AUTS2: variants seen among roughly 807,000 people sequenced by gnomAD.
AUTS2 encodes autism susceptibility gene 2 protein.
In AUTS2, 17 loss-of-function variants were observed where a neutral mutation model predicts 112.4. The observed-to-expected ratio is 0.15, with a 90% CI of 0.10 to 0.23. AUTS2 has a LOEUF of 0.23. Ranked by LOEUF, AUTS2 falls within the 10% of genes least tolerant of loss-of-function variation. The pLI is 1.00. For missense variants in AUTS2, 1,510 were observed against 1,701.6 expected (o/e 0.89, Z 1.98); for synonymous variants, 751 against 702.7 (o/e 1.07, Z -1.09).
In AUTS2 at chr7:70,791,381, A is replaced by ATAGT. The variant is rs1298833843; in HGVS notation, c.*388_*391dup. 6 of 177,546 alleles carry ATAGT rather than the reference A, an allele frequency of 3.4e-5. No homozygotes were observed. The highest frequency in any genetic ancestry group is 2.0e-4 in the South Asian group (1 of 5,050). The allele number at this position is 177,546 out of a possible 1,614,324, so 11.0% of individuals were successfully genotyped here. ...CAGATGAGGTGGGAAGGCCGTGTAC[A>ATAGT]TAGTTATGTAAAAAGAGATTGCTTC... On this transcript the variant is annotated 3_prime_UTR_variant, in exon 19 of 19. Transcript: ENST00000342771.
At chr7:70,497,156 TCA>T (rs1163023791) in intron 5 of AUTS2, among the ~76,000 whole-genome samples, 1 of 109,600 alleles carries the variant, frequency 9.1e-6, no homozygotes, top group Non-Finnish European at 1.9e-5. Context: ...CACACCCCAC[TCA>T]CACACACCAC....
At chr7:69,631,344 G>A (rs76128394) in intron 1 of AUTS2, among the ~76,000 whole-genome samples, 2,943 of 152,250 alleles carry the variant, frequency 0.019, 94 homozygotes, top group African/African-American at 0.064. Flanking sequence ...GGCAACAGCG[G>A]TTTGAGGACT....
chr7:69,851,539 T>C (rs1792484353), intron 1 of AUTS2, among the ~76,000 whole-genome samples: 1 of 152,238 alleles, frequency 6.6e-6, no homozygotes, highest in Non-Finnish European at 1.5e-5. Context: ...CGTAAGCCAC[T>C]GCGCCTGGCC....
chr7:70,449,197 A>T (rs1202708836), intron 5 of AUTS2, among the ~76,000 whole-genome samples: 1 of 152,166 alleles, frequency 6.6e-6, no homozygotes, highest in Admixed American at 6.5e-5. Context: ...GTCTCTACTT[A>T]TTTTTGCCCG....
intron 6 of AUTS2, among the ~76,000 whole-genome samples, chr7:70,749,154 T>TC (rs1025014197): frequency 4.5e-4 from 68 of 152,142 alleles, no homozygotes; most frequent in African/African-American, 1.6e-3. Flanking sequence ...AACCTACATG[T>TC]CGGTAGAGGA....
At chr7:70,129,644 A>G (rs1806165826) in intron 3 of AUTS2, among the ~76,000 whole-genome samples, 1 of 152,170 alleles carries the variant, frequency 6.6e-6, no homozygotes. Context: ...TCTTACTTTA[A>G]AATGTTTATT....
intron 5 of AUTS2, among the ~76,000 whole-genome samples, chr7:70,546,765 C>T (rs1425099581): frequency 3.4e-5 from 5 of 148,472 alleles, no homozygotes; most frequent in African/African-American, 1.0e-4. Context: ...GGCGACAGAG[C>T]GAGACTCTGT....
chr7:69,659,080 T>A (rs888654962), intron 1 of AUTS2, among the ~76,000 whole-genome samples: 4 of 152,212 alleles, frequency 2.6e-5, no homozygotes, highest in Non-Finnish European at 5.9e-5. Flanking sequence ...AATCTGGCTT[T>A]TGTTTTGAGA....
At chr7:70,163,931 C>A (rs553920915) in intron 4 of AUTS2, among the ~76,000 whole-genome samples, 1 of 152,200 alleles carries the variant, frequency 6.6e-6, no homozygotes, top group East Asian at 1.9e-4. Context: ...CTCCTTCCCC[C>A]CTCCAAGAGC....
intron 1 of AUTS2, among the ~76,000 whole-genome samples, chr7:69,814,111 A>G (rs1213970507): frequency 4.6e-5 from 7 of 152,156 alleles, no homozygotes; most frequent in African/African-American, 1.4e-4. Flanking sequence ...AGAAAAACCC[A>G]TTGTAAATTT....
At chr7:70,340,587 T>C (rs1188620733) in intron 4 of AUTS2, among the ~76,000 whole-genome samples, 1 of 152,176 alleles carries the variant, frequency 6.6e-6, no homozygotes, top group African/African-American at 2.4e-5. Flanking sequence ...CAGAGGTTGC[T>C]GGGGACGGTT....
chr7:70,494,765 G>A (rs1477291535), intron 5 of AUTS2, among the ~76,000 whole-genome samples: 1 of 152,100 alleles, frequency 6.6e-6, no homozygotes, highest in East Asian at 1.9e-4. Context: ...ATCAAACAAA[G>A]TTCAAAAAGT....
chr7:70,322,477 GC>G (rs1562878909), intron 4 of AUTS2, among the ~76,000 whole-genome samples: 1 of 152,108 alleles, frequency 6.6e-6, no homozygotes, highest in Admixed American at 6.6e-5. Context: ...TTTATGTGGA[GC>G]CCCAGGAAAA....
At chr7:69,760,365 A>AT (rs1269071284) in intron 1 of AUTS2, among the ~76,000 whole-genome samples, 1 of 151,686 alleles carries the variant, frequency 6.6e-6, no homozygotes, top group Non-Finnish European at 1.5e-5. Context: ...TAAAATGAAG[A>AT]TTTTTTTCAT....
intron 2 of AUTS2, among the ~76,000 whole-genome samples, chr7:69,979,489 A>G (rs563518773): frequency 6.6e-6 from 1 of 152,200 alleles, no homozygotes; most frequent in African/African-American, 2.4e-5. Flanking sequence ...AATTACAGTC[A>G]TTTTTTCAAG....
Position 70,791,002 on chromosome 7 carries a change from G to C in AUTS2, c.*6G>C, listed in dbSNP as rs753900305. On this transcript the variant is annotated 3_prime_UTR_variant, in exon 19 of 19. Coordinates refer to ENST00000342771, the MANE Select transcript of AUTS2 (RefSeq NM_015570.4). The stretch of plus-strand genomic sequence containing the variant: ...AGGATATCGAGGCCCGATAAGCCGA[G>C]AACAGGAGCAAGAACGAGGAAGAAG... 4.0e-5 allele frequency: 60 copies of C among 1,488,848 alleles called. No individual in the cohort carries two copies. Among genetic ancestry groups the C allele is most frequent in the Non-Finnish European group, 4.9e-5 (55 of 1,120,816 alleles). 92.2% of individuals were successfully genotyped at this position (1,488,848 alleles called of 1,614,324 possible).
At chr7:70,290,666 C>G in intron 4 of AUTS2, 5 of 1,354,202 alleles carry the variant, frequency 3.7e-6, no homozygotes, top group Non-Finnish European at 4.7e-6. Flanking sequence ...TCTCTTTTCT[C>G]CATTCCTCAT....
chr7:70,132,714 C>T (rs981958715), intron 3 of AUTS2, among the ~76,000 whole-genome samples: 3 of 152,042 alleles, frequency 2.0e-5, no homozygotes, highest in African/African-American at 4.8e-5. Flanking sequence ...CAGAGCTTTC[C>T]GAGACCTGAA....
chr7:70,575,423 A>T (rs1317007239), intron 5 of AUTS2, among the ~76,000 whole-genome samples: 1 of 146,380 alleles, frequency 6.8e-6, no homozygotes, highest in Non-Finnish European at 1.5e-5. Flanking sequence ...CTCCACCCCC[A>T]CCCTCAGCCC....
Sources: allele counts gnomAD v4.1 joint callset (sites outside exome capture counted in the v4.1 genomes callset), GRCh38; gene constraint gnomAD v4.1.1; transcripts MANE v1.5; gene names NCBI Gene and HGNC (gene_info 2026-07-23, HGNC 2026-07-21).